The following MAG variants were observed in gnomAD, a reference collection of about 807,000 sequenced individuals.
The protein encoded by MAG is myelin-associated glycoprotein.
A neutral mutation model predicts 60.7 loss-of-function variants in MAG; 30 were observed. The observed-to-expected ratio is 0.49, with a 90% CI of 0.37 to 0.67. The LOEUF (loss-of-function observed/expected upper bound fraction) is 0.67. MAG is among the 30% of genes least tolerant of loss of function. The pLI is 0.00. For missense variants in MAG, 795 were observed against 851.7 expected (o/e 0.93, Z 0.83); for synonymous variants, 384 against 376.8 (o/e 1.02, Z -0.22).
chr19:35,299,260 C>T (rs940298846), intron 4 of MAG, among the ~76,000 whole-genome samples: 1 of 152,198 alleles, frequency 6.6e-6, no homozygotes, highest in African/African-American at 2.4e-5. Context: ...TTACAGTCCT[C>T]ACCCTCTCGC....
chr19:35,296,597 A>C (rs2066399759), intron 4 of MAG, among the ~76,000 whole-genome samples: 1 of 152,110 alleles, frequency 6.6e-6, no homozygotes, highest in Admixed American at 6.5e-5. Flanking sequence ...CTATGGCCAG[A>C]CATGGCAATC....
At chr19:35,301,453 G>C in intron 6 of MAG, among the ~76,000 whole-genome samples, 1 of 83,388 alleles carries the variant, frequency 1.2e-5, no homozygotes, top group East Asian at 3.2e-4. Flanking sequence ...TTTTTTTTGA[G>C]ACAGAGTCTG....
rs780071878 is a variant in MAG, at chr19:35,295,351, C to A, written c.-23-35C>A. 10 of 1,593,490 alleles carry A rather than the reference C, an allele frequency of 6.3e-6. No homozygotes were observed. The highest frequency in any genetic ancestry group is 8.6e-6 in the Non-Finnish European group (10 of 1,164,930). On this transcript the variant is annotated intron_variant, in intron 2 of 10. Transcript: ENST00000392213. The surrounding 1 kb of genome is among the most constrained non-coding windows in gnomAD (Gnocchi z 5.8). ...CCAGATGGAACACCCCCTTTCACTT[C>A]CCCCAGCCTTTAACCCTCTCCTCTC...
At chr19:35,298,334 CCACA>C (rs1421600747) in intron 4 of MAG, among the ~76,000 whole-genome samples, 4 of 150,982 alleles carry the variant, frequency 2.6e-5, no homozygotes, top group African/African-American at 9.8e-5. Context: ...ACGCCACACA[CCACA>C]CACTCTACCT....
intron 7 of MAG, among the ~76,000 whole-genome samples, chr19:35,304,105 A>C (rs1222870688): frequency 6.6e-6 from 1 of 152,174 alleles, no homozygotes; most frequent in Non-Finnish European, 1.5e-5. Context: ...CAATCAGTAC[A>C]TGGCAGATAC....
At chr19:35,307,215 C>T (rs1437302775) in intron 7 of MAG, among the ~76,000 whole-genome samples, 3 of 152,222 alleles carry the variant, frequency 2.0e-5, no homozygotes, top group African/African-American at 4.8e-5. Context: ...CAGCTCTGCC[C>T]GAACAGGACT....
chr19:35,296,905 C>T (rs895157176), intron 4 of MAG, among the ~76,000 whole-genome samples: 4 of 150,938 alleles, frequency 2.7e-5, no homozygotes, highest in African/African-American at 9.8e-5. Flanking sequence ...ACCAAACATA[C>T]ACATCACACC....
At position 35,302,495 on chromosome 19, in the gene MAG, G is replaced by A. The variant is rs1436220637; in HGVS notation, c.1018G>A (p.Gly340Arg). The A allele has an allele frequency of 4.3e-6, 7 of 1,614,072 alleles. No homozygotes were observed. The highest frequency in any genetic ancestry group is 1.1e-5 in the South Asian group (1 of 91,090). Residue 340 changes from glycine (G) to arginine (R), a missense_variant, in exon 7 of 11, where the codon GGG becomes AGG. Transcript: ENST00000392213. ...TVNGTMVAVE[G>R]ETVSILCSTQ... ...GAACGGGACAATGGTGGCCGTAGAG[G>A]GGGAGACGGTCTCTATCTTGTGCTC... is the stretch of plus-strand genomic sequence containing the variant.
chr19:35,311,280 C>A (rs1316412471), intron 9 of MAG, among the ~76,000 whole-genome samples: 1 of 151,862 alleles, frequency 6.6e-6, no homozygotes, highest in East Asian at 1.9e-4. Context: ...CCAGCCTGGG[C>A]AACATAGGGA....
chr19:35,310,524 G>T (rs200163072), intron 8 of MAG, 23 bp from the exon 9 acceptor site: 15 of 1,605,926 alleles, frequency 9.3e-6, no homozygotes, highest in Non-Finnish European at 1.3e-5. Context: ...CCCTAAGGGC[G>T]CCTGGGTCTT....
chr19:35,297,499 CCAA>C (rs2066408994), intron 4 of MAG, among the ~76,000 whole-genome samples: 1 of 148,066 alleles, frequency 6.8e-6, no homozygotes. Context: ...ACACACCACA[CCAA>C]ACACACACCA....
intron 9 of MAG, among the ~76,000 whole-genome samples, chr19:35,310,925 C>T (rs939347266): frequency 6.6e-6 from 1 of 152,224 alleles, no homozygotes; most frequent in South Asian, 2.1e-4. Context: ...TCTAGGAACT[C>T]TCCCCTACAC....
In MAG at chr19:35,295,640, G is replaced by A. The variant is rs2145604574; in HGVS notation, c.74G>A (p.Trp25Ter). The change falls in exon 4 of 11, where the codon TGG (tryptophan) becomes TAG (stop). Residue 25 changes from tryptophan to a stop codon, truncating the protein, a stop_gained. Transcript: ENST00000392213. LOFTEE classifies it high-confidence loss of function. This position sits in a 1 kb window ranked among gnomAD's most constrained non-coding sequence, Gnocchi z 5.8. ...TCCCGAGGGGGTCACTGGGGTGCCT[G>A]GATGCCCTCGTCCATCTCGGCCTTC... ...SASRGGHWGA[W>*]MPSSISAFEG... 1 of 1,609,470 alleles carries A rather than the reference G, an allele frequency of 6.2e-7. No individual in the cohort carries two copies. Among genetic ancestry groups the A allele is most frequent in the East Asian group, 2.2e-5 (1 of 44,864 alleles).
At chr19:35,299,885 G>C in intron 5 of MAG, 35 bp downstream of exon 5, 1 of 1,108,060 alleles carries the variant, frequency 9.0e-7, no homozygotes. Context: ...GGGTGGGGCG[G>C]GGTGGGGCGG....
In MAG at chr19:35,295,230, A is replaced by G. The variant is rs2066386906; in HGVS notation, c.-23-156A>G. On this transcript the variant is annotated intron_variant, in intron 2 of 10. Coordinates refer to ENST00000392213, the MANE Select transcript of MAG (RefSeq NM_002361.4). The surrounding 1 kb of genome is among the most constrained non-coding windows in gnomAD (Gnocchi z 5.8). ...TCACTGCATTCCAGCCCGGGCAATGAAACAAGACCCTGTCTCAGAAAAATA... is the reference window on the plus strand; with the variant it reads ...TCACTGCATTCCAGCCCGGGCAATGGAACAAGACCCTGTCTCAGAAAAATA... Among the ~76,000 whole-genome samples, 2 of 152,206 alleles carry G rather than the reference A, an allele frequency of 1.3e-5. No individual in the cohort carries two copies. Among genetic ancestry groups the G allele is most frequent in the South Asian group, 4.1e-4 (2 of 4,828 alleles).
chr19:35,313,462 G>A lies in MAG; in HGVS notation c.*8G>A, dbSNP rs771679691. The A allele has an allele frequency of 1.2e-6, 2 of 1,607,578 alleles. No individual in the cohort carries two copies. Among genetic ancestry groups the A allele is most frequent in the South Asian group, 2.2e-5 (2 of 90,622 alleles). ...GAAATCCGGGTCAAGTGAAGGAGCT[G>A]GGGGCAGCCTGCGTGGCTGACCCCC... On this transcript the variant is annotated 3_prime_UTR_variant, in exon 11 of 11. Coordinates refer to ENST00000392213, the MANE Select transcript of MAG (RefSeq NM_002361.4).
intron 10 of MAG, 56 bp from the exon 11 acceptor site, chr19:35,313,234 T>C (rs201708363): frequency 3.2e-6 from 5 of 1,561,100 alleles, no homozygotes; most frequent in African/African-American, 1.4e-5. Context: ...CTCTGTCCTC[T>C]GCATTGGGAA....
intron 10 of MAG, 108 bp downstream of exon 10, chr19:35,312,125 C>G: frequency 7.8e-7 from 1 of 1,277,184 alleles, no homozygotes; most frequent in Non-Finnish European, 1.1e-6. Flanking sequence ...CGGCCTCTCA[C>G]AGGAGGAGAG....
chr19:35,313,361 C>T lies in MAG; in HGVS notation c.1788C>T (p.Ser596=), dbSNP rs2066543006. ...LRGEPPELDL[S]YSHSDLGKRP... ...GTGAGCCCCCAGAGCTGGACCTGAG[C>T]TATTCTCACTCGGACCTGGGGAAAC... Residue 596 remains serine, a synonymous_variant, in exon 11 of 11, where the codon AGC becomes AGT. Transcript: ENST00000392213. 2.5e-6 allele frequency: 4 copies of T among 1,614,038 alleles called. No homozygotes were observed. Among genetic ancestry groups the T allele is most frequent in the Non-Finnish European group, 3.4e-6 (4 of 1,180,020 alleles).
Sources: gnomAD v4.1 joint callset for allele counts (sites outside exome capture counted in the v4.1 genomes callset) on GRCh38, gnomAD v4.1.1 for gene constraint, Gnocchi (gnomAD v3.1) non-coding constraint, MANE v1.5 for transcripts, NCBI Gene and HGNC (gene_info 2026-07-23, HGNC 2026-07-21) for gene names.